B4GALNT2: variants seen among roughly 807,000 people sequenced by gnomAD.
B4GALNT2 encodes beta-1,4-N-acetyl-galactosaminyltransferase 2 (SID blood group).
B4GALNT2 carries 42 observed loss-of-function variants against 51.1 expected under a neutral mutation model. The ratio of observed to expected loss-of-function variants is 0.82; its 90% CI spans 0.64 to 1.06. The LOEUF (loss-of-function observed/expected upper bound fraction) is 1.06, where lower values mean the gene tolerates loss of function less well. B4GALNT2 is among the 50% of genes least tolerant of loss of function. The probability of loss-of-function intolerance (pLI) is 0.00; values close to 1 mark genes in which losing one functional copy is unlikely to be tolerated. For missense variants in B4GALNT2, 602 were observed against 633.6 expected, an observed-to-expected ratio of 0.95 and a Z score of 0.54; for synonymous variants, 253 against 251.7, an observed-to-expected ratio of 1.01 and a Z score of -0.05.
intron 1 of B4GALNT2, among the ~76,000 whole-genome samples, chr17:49,139,345 C>T (rs1337416249): frequency 1.3e-5 from 2 of 151,918 alleles, no homozygotes; most frequent in African/African-American, 4.8e-5. Context: ...CTCAAGTGAT[C>T]GTCCCACCTC....
chr17:49,170,249 T>G lies in B4GALNT2; in HGVS notation c.*521T>G, dbSNP rs949932858. The G allele has an allele frequency of 6.6e-6, 1 of 152,632 alleles. No individual in the cohort carries two copies. The highest frequency in any genetic ancestry group is 1.5e-5 in the Non-Finnish European group (1 of 68,246). 9.5% of individuals were successfully genotyped at this position (152,632 alleles called of 1,614,324 possible). A position where few individuals can be genotyped will look rare whatever the true frequency, so the allele number is the denominator to read the frequency against. On this transcript the variant is annotated 3_prime_UTR_variant, in exon 11 of 11. Transcript: ENST00000393354. ...GTTCAGTTCAGTCCAATCACAGAAT[T>G]AGGCAGCCGGGGTCAGAGGATCAGA... is the stretch of plus-strand genomic sequence containing the variant.
At chr17:49,148,300 G>T (rs368360383) in intron 3 of B4GALNT2, 2 of 325,204 alleles carry the variant, frequency 6.1e-6, no homozygotes, top group Non-Finnish European at 1.2e-5. Context: ...ATCCTGTCTC[G>T]AAAAAAAAAT....
intron 7 of B4GALNT2, among the ~76,000 whole-genome samples, chr17:49,161,623 A>C (rs1276540713): frequency 6.6e-6 from 1 of 152,116 alleles, no homozygotes; most frequent in Non-Finnish European, 1.5e-5. Flanking sequence ...TATATGCCAC[A>C]GTTCATACCA....
At chr17:49,146,644 T>C (rs77953004) in intron 3 of B4GALNT2, among the ~76,000 whole-genome samples, 1 of 152,284 alleles carries the variant, frequency 6.6e-6, no homozygotes, top group African/African-American at 2.4e-5. Flanking sequence ...CATTGCTGAC[T>C]ACTCCATAGG....
rs986897510 is a variant in B4GALNT2, at chr17:49,142,265, A to C, written c.353+93A>C. On this transcript the variant is annotated intron_variant, in intron 3 of 10. Transcript: ENST00000393354. ...GTGAATCTTAAGAGAAAAAGCAGGA[A>C]GGAATTCTCTCTCTTGCAAGGGTCC... 3 of 1,503,264 alleles carry C rather than the reference A, an allele frequency of 2.0e-6. No homozygotes were observed. In the Admixed American group the frequency reaches 5.7e-5, roughly 28 times the overall value. The allele number at this position is 1,503,264 out of a possible 1,614,324, so 93.1% of individuals were successfully genotyped here.
chr17:49,124,907 T>C, the B4GALNT2 span, among the ~76,000 whole-genome samples: 1 of 152,198 alleles, frequency 6.6e-6, no homozygotes, highest in Non-Finnish European at 1.5e-5. Context: ...CTTTAGCCAA[T>C]ATGTTTACAC....
At chr17:49,162,341 C>T (rs1198723469) in intron 7 of B4GALNT2, among the ~76,000 whole-genome samples, 1 of 152,058 alleles carries the variant, frequency 6.6e-6, no homozygotes. Context: ...ACACTTTTAG[C>T]CATTAAAATA....
At chr17:49,142,275 T>G in intron 3 of B4GALNT2, 103 bp downstream of exon 3, 1 of 1,449,530 alleles carries the variant, frequency 6.9e-7, no homozygotes, top group Non-Finnish European at 9.4e-7. Flanking sequence ...AGGAATTCTC[T>G]CTCTTGCAAG....
the B4GALNT2 span, among the ~76,000 whole-genome samples, chr17:49,125,847 C>G: frequency 7.6e-6 from 1 of 132,046 alleles, no homozygotes; most frequent in Non-Finnish European, 1.7e-5. Flanking sequence ...CCCCTCTGCC[C>G]GGCCAGCCAC....
intron 3 of B4GALNT2, chr17:49,148,373 C>A: frequency 2.8e-6 from 1 of 355,844 alleles, no homozygotes. Context: ...ACAACCAAAT[C>A]TGCCTCTTAC....
intron 10 of B4GALNT2, 133 bp downstream of exon 10, chr17:49,169,033 C>T: frequency 1.1e-6 from 1 of 884,536 alleles, no homozygotes; most frequent in East Asian, 2.7e-5. Flanking sequence ...TTTCCCCTTT[C>T]CCCTTTCTCC....
At chr17:49,126,019 G>A in the B4GALNT2 span, among the ~76,000 whole-genome samples, 8 of 110,562 alleles carry the variant, frequency 7.2e-5, no homozygotes, top group Non-Finnish European at 1.3e-4. Context: ...CTCATTGAGA[G>A]TGGGCCATGA....
intron 3 of B4GALNT2, among the ~76,000 whole-genome samples, chr17:49,147,374 C>CTTTTTTTTTTTTTT (rs1475311406): frequency 1.4e-5 from 2 of 143,894 alleles, no homozygotes; most frequent in African/African-American, 5.1e-5. Flanking sequence ...TCTTTTCTTT[C>CTTTTTTTTTTTTTT]TTTCTTTTTT....
intron 9 of B4GALNT2, 78 bp from the exon 10 acceptor site, chr17:49,168,603 G>A: frequency 7.5e-7 from 1 of 1,336,518 alleles, no homozygotes; most frequent in East Asian, 2.4e-5. Context: ...CCGAGGTGCA[G>A]TCCAGCGAGT....
At chr17:49,159,526 G>C (rs943060567) in intron 6 of B4GALNT2, among the ~76,000 whole-genome samples, 1 of 152,066 alleles carries the variant, frequency 6.6e-6, no homozygotes, top group African/African-American at 2.4e-5. Flanking sequence ...ATTTTGAATA[G>C]AGACAGGGTT....
chr17:49,154,469 G>A (rs1356136618), intron 4 of B4GALNT2, among the ~76,000 whole-genome samples: 1 of 151,932 alleles, frequency 6.6e-6, no homozygotes, highest in African/African-American at 2.4e-5. Context: ...TCCCAGTGCA[G>A]AGATGTTGGA....
chr17:49,144,457 A>C (rs1165497506), intron 3 of B4GALNT2, among the ~76,000 whole-genome samples: 4 of 152,192 alleles, frequency 2.6e-5, no homozygotes. Context: ...ACCCTGGTGC[A>C]CCTAGCTATG....
chr17:49,142,391 C>T (rs547160418), intron 3 of B4GALNT2, among the ~76,000 whole-genome samples: 92 of 152,194 alleles, frequency 6.0e-4, no homozygotes, highest in African/African-American at 2.2e-3. Context: ...TTCATAACAA[C>T]AACAACAACA....
intron 1 of B4GALNT2, among the ~76,000 whole-genome samples, chr17:49,134,267 A>AT (rs2042570168): frequency 1.3e-5 from 2 of 152,258 alleles, no homozygotes; most frequent in Non-Finnish European, 2.9e-5. Flanking sequence ...ACATAGTGAT[A>AT]TTTTGATACA....
Sources: allele counts gnomAD v4.1 joint callset (sites outside exome capture counted in the v4.1 genomes callset), GRCh38; gene constraint gnomAD v4.1.1; transcripts MANE v1.5; gene names NCBI Gene and HGNC (gene_info 2026-07-23, HGNC 2026-07-21).